The following CRPPA variants were observed in gnomAD, a reference collection of about 807,000 sequenced individuals.
CRPPA encodes the protein D-ribitol-5-phosphate cytidylyltransferase.
In CRPPA, 43 loss-of-function variants were observed where a neutral mutation model predicts 52.0. The observed-to-expected ratio is 0.83, with a 90% CI of 0.65 to 1.07. The LOEUF is 1.07. Among genes scored for constraint, CRPPA ranks in the 50% least tolerant of loss-of-function variants. The pLI is 0.00. For synonymous variants in CRPPA, 250 were observed against 203.5 expected (o/e 1.23, Z -1.94); for missense variants, 629 against 551.7 (o/e 1.14, Z -1.40).
Position 16,261,909 on chromosome 7 carries a change from G to C in CRPPA, c.934-2897C>G, listed in dbSNP as rs569879056. On this transcript the variant is annotated intron_variant, in intron 6 of 9. Coordinates refer to ENST00000407010, the MANE Select transcript of CRPPA (RefSeq NM_001101426.4). Reference sequence around the variant, plus strand: ...TATCTTTATTACCAGAGAAAAATTTGGCTCGTGGTGATAGTCTTGGATATC... The same window carrying C: ...TATCTTTATTACCAGAGAAAAATTTCGCTCGTGGTGATAGTCTTGGATATC... 3 of 152,092 alleles carry C rather than the reference G, an allele frequency of 2.0e-5. No individual in the cohort carries two copies. In the South Asian group the frequency reaches 6.2e-4, roughly 32 times the overall value. The allele number at this position is 152,092 out of a possible 1,614,324, so 9.4% of individuals were successfully genotyped here.
intron 9 of CRPPA, among the ~76,000 whole-genome samples, chr7:16,096,742 C>T (rs1781942144): frequency 6.6e-6 from 1 of 152,026 alleles, no homozygotes; most frequent in Admixed American, 6.6e-5. Context: ...CTATTACAGC[C>T]AGCTTCACTC....
chr7:16,150,744 G>GA (rs1322908898), intron 9 of CRPPA, among the ~76,000 whole-genome samples: 1 of 152,152 alleles, frequency 6.6e-6, no homozygotes, highest in African/African-American at 2.4e-5. Flanking sequence ...GATTTATAAA[G>GA]AAAAAATTAT....
intron 2 of CRPPA, 141 bp from the exon 3 acceptor site, chr7:16,376,382 T>A: frequency 1.2e-6 from 1 of 824,272 alleles, no homozygotes; most frequent in Non-Finnish European, 1.8e-6. Context: ...TAAGTGTGAT[T>A]GGTTCAAAAA....
At chr7:16,414,567 C>T (rs544295625) in intron 1 of CRPPA, among the ~76,000 whole-genome samples, 33 of 152,224 alleles carry the variant, frequency 2.2e-4, no homozygotes, top group African/African-American at 7.5e-4. Flanking sequence ...CAGCTTTATG[C>T]CCCTGCCAAT....
chr7:16,337,581 C>A (rs187651159), intron 3 of CRPPA, among the ~76,000 whole-genome samples: 20 of 151,466 alleles, frequency 1.3e-4, no homozygotes, highest in Admixed American at 2.0e-4. Flanking sequence ...AGAAAAACTA[C>A]AGGAAAAAAA....
At chr7:16,093,257 A>C (rs1781871623) in intron 9 of CRPPA, among the ~76,000 whole-genome samples, 1 of 152,226 alleles carries the variant, frequency 6.6e-6, no homozygotes, top group Non-Finnish European at 1.5e-5. Flanking sequence ...TCAAAGCAAA[A>C]GAGGTTCTGA....
intron 5 of CRPPA, among the ~76,000 whole-genome samples, chr7:16,291,825 T>C (rs1488097912): frequency 1.3e-5 from 2 of 151,928 alleles, no homozygotes; most frequent in Non-Finnish European, 2.9e-5. Context: ...AAAGTACCCA[T>C]AAATATGTAT....
intron 9 of CRPPA, chr7:16,210,442 A>G (rs1037672667): frequency 6.6e-6 from 1 of 152,196 alleles, no homozygotes; most frequent in Non-Finnish European, 1.5e-5. Context: ...GATGTCACAG[A>G]AGACTGTGAC....
chr7:16,274,876 G>T (rs1034767797), intron 6 of CRPPA, among the ~76,000 whole-genome samples: 11 of 152,056 alleles, frequency 7.2e-5, no homozygotes, highest in Non-Finnish European at 1.5e-4. Flanking sequence ...TTTAGTCTTT[G>T]AATCTCTGCA....
intron 3 of CRPPA, among the ~76,000 whole-genome samples, chr7:16,373,429 T>C (rs568173121): frequency 9.8e-5 from 15 of 152,326 alleles, no homozygotes; most frequent in African/African-American, 3.6e-4. Flanking sequence ...TTTGAACAAA[T>C]ATATACTTGG....
chr7:16,363,078 G>A (rs1357191146), intron 3 of CRPPA, among the ~76,000 whole-genome samples: 1 of 152,118 alleles, frequency 6.6e-6, no homozygotes, highest in Non-Finnish European at 1.5e-5. Context: ...TAACCATTAT[G>A]GAAATTGAAA....
At chr7:16,284,856 G>A (rs781607406) in intron 5 of CRPPA, among the ~76,000 whole-genome samples, 1 of 152,054 alleles carries the variant, frequency 6.6e-6, no homozygotes, top group Non-Finnish European at 1.5e-5. Context: ...AGTAATGACT[G>A]TACTTGTACC....
intron 2 of CRPPA, among the ~76,000 whole-genome samples, chr7:16,381,737 A>G (rs1202837258): frequency 6.6e-6 from 1 of 151,856 alleles, no homozygotes; most frequent in Non-Finnish European, 1.5e-5. Flanking sequence ...TCCCTTTACC[A>G]TTATGTAATG....
chr7:16,304,587 G>C (rs1380632788), intron 4 of CRPPA, among the ~76,000 whole-genome samples: 1 of 152,082 alleles, frequency 6.6e-6, no homozygotes, highest in Admixed American at 6.5e-5. Flanking sequence ...GTTGCAGTGA[G>C]CTGAGATCTT....
chr7:16,337,218 A>G (rs552378516), intron 3 of CRPPA, among the ~76,000 whole-genome samples: 36 of 152,300 alleles, frequency 2.4e-4, no homozygotes, highest in African/African-American at 8.2e-4. Flanking sequence ...ATTACATGTT[A>G]CACCACAAAT....
Position 16,209,422 on chromosome 7 carries a change from C to A in CRPPA, c.1251+6644G>T, listed in dbSNP as rs138932427. Among the ~76,000 whole-genome samples the A allele has an allele frequency of 5.9e-3, 891 of 151,982 alleles. 16 individuals carry two copies. The highest frequency in any genetic ancestry group is 0.036 in the Admixed American group (556 of 15,256). ...CAGTAGCTGGGATTACAGGTGCTCCCCACCACAATCGGCTAATTTTTGTAC... is the reference window on the plus strand; with the variant it reads ...CAGTAGCTGGGATTACAGGTGCTCCACACCACAATCGGCTAATTTTTGTAC... On this transcript the variant is annotated intron_variant, in intron 9 of 9. Transcript: ENST00000407010.
chr7:16,413,730 T>G (rs1788123333), intron 1 of CRPPA, among the ~76,000 whole-genome samples: 1 of 152,144 alleles, frequency 6.6e-6, no homozygotes, highest in Non-Finnish European at 1.5e-5. Context: ...TGGACAAAAG[T>G]TTTTTTAAAA....
intron 8 of CRPPA, among the ~76,000 whole-genome samples, chr7:16,226,047 A>T (rs1217403391): frequency 6.6e-6 from 1 of 151,972 alleles, no homozygotes; most frequent in East Asian, 1.9e-4. Flanking sequence ...AGCCTCCACC[A>T]ATTCATCCTG....
intron 6 of CRPPA, among the ~76,000 whole-genome samples, chr7:16,265,952 A>C (rs1294471827): frequency 3.9e-5 from 6 of 152,182 alleles, no homozygotes; most frequent in African/African-American, 1.2e-4. Flanking sequence ...GTCCACATAC[A>C]TAACCTCTAA....
Sources: gnomAD v4.1 joint callset for allele counts (sites outside exome capture counted in the v4.1 genomes callset) on GRCh38, gnomAD v4.1.1 for gene constraint, MANE v1.5 for transcripts, NCBI Gene and HGNC (gene_info 2026-07-23, HGNC 2026-07-21) for gene names.